Variants in CCDC18 observed in about 807,000 individuals in gnomAD.
CCDC18 encodes coiled-coil domain-containing protein 18.
A neutral mutation model predicts 196.0 loss-of-function variants in CCDC18; 157 were observed. That is an observed-to-expected ratio of 0.80 (90% CI 0.70 to 0.91). CCDC18 has a LOEUF of 0.91. CCDC18 is among the 40% of genes least tolerant of loss of function. CCDC18 has a pLI of 0.00. For missense variants in CCDC18, 1,465 were observed against 1,611.6 expected, an observed-to-expected ratio of 0.91 and a Z score of 1.56; for synonymous variants, 482 against 529.2, an observed-to-expected ratio of 0.91 and a Z score of 1.22.
At chr1:93,246,765 A>C in intron 22 of CCDC18, 73 bp from the exon 23 acceptor site, 1 of 720,022 alleles carries the variant, frequency 1.4e-6, no homozygotes, top group Non-Finnish European at 2.5e-6. Flanking sequence ...ATAAACAATT[A>C]CAAAGCCTAT....
In CCDC18 at chr1:93,264,772, A is replaced by C. The variant is rs771276163; in HGVS notation, c.3756A>C (p.Gln1252His). The C allele has an allele frequency of 1.2e-6, 2 of 1,613,394 alleles. No homozygotes were observed. Among genetic ancestry groups the C allele is most frequent in the Non-Finnish European group, 1.7e-6 (2 of 1,179,474 alleles). The change falls in exon 27 of 29, where the codon CAA becomes CAC. Residue 1252 changes from glutamine to histidine, a missense_variant. By Grantham distance (24) the Gln-to-His change is conservative. Coordinates refer to ENST00000690025, the MANE Select transcript of CCDC18 (RefSeq NM_001378204.1). ...SADSQKSSVQ[Q>H]LNEQLEKAKL... ...ACTCTCAAAAGTCTTCTGTTCAGCA[A>C]CTAAACGAACAGTTAGAGAAGGCAA... is the stretch of plus-strand genomic sequence containing the variant.
chr1:93,190,236 T>C (rs1366146179), intron 4 of CCDC18, among the ~76,000 whole-genome samples: 4 of 152,248 alleles, frequency 2.6e-5, no homozygotes, highest in African/African-American at 9.6e-5. Flanking sequence ...ACGCCTGTAA[T>C]TCCAGAACTT....
rs1655542039 is a variant in CCDC18 at position 93,211,064 on chromosome 1, C to T, written c.1334+138C>T. 1.5e-5 allele frequency: 12 copies of T among 800,038 alleles called. No homozygotes were observed. The South Asian group carries it at 2.0e-4, about 14-fold the overall frequency. The allele number at this position is 800,038 out of a possible 1,614,324, so 49.6% of individuals were successfully genotyped here. Reference sequence around the variant, plus strand: ...GGCTGAGGCAGGCGGATCACGAGGTCAGGAGTTCGAGACCAGCCTGACCAA... The same window carrying T: ...GGCTGAGGCAGGCGGATCACGAGGTTAGGAGTTCGAGACCAGCCTGACCAA... On this transcript the variant is annotated intron_variant, in intron 10 of 28. Coordinates refer to ENST00000690025, the MANE Select transcript of CCDC18 (RefSeq NM_001378204.1).
At chr1:93,248,009 C>CTTTTTTTTTT (rs71586785) in intron 23 of CCDC18, among the ~76,000 whole-genome samples, 3 of 69,794 alleles carry the variant, frequency 4.3e-5, no homozygotes, top group Non-Finnish European at 7.6e-5. Flanking sequence ...TATTTTCCTT[C>CTTTTTTTTTT]TTTTTTTTTT....
At chr1:93,223,732 T>G (rs1290452836) in intron 16 of CCDC18, among the ~76,000 whole-genome samples, 1 of 152,108 alleles carries the variant, frequency 6.6e-6, no homozygotes, top group African/African-American at 2.4e-5. Flanking sequence ...TACTTTAGAT[T>G]CCCCAAAACC....
intron 6 of CCDC18, 82 bp from the exon 7 acceptor site, chr1:93,201,810 T>A: frequency 1.2e-6 from 1 of 821,320 alleles, no homozygotes; most frequent in Non-Finnish European, 1.9e-6. Context: ...TTATTCCTTA[T>A]AATTAAAGAT....
intron 24 of CCDC18, 119 bp downstream of exon 24, chr1:93,254,733 C>G (rs183535330): frequency 1.0e-6 from 1 of 985,726 alleles, no homozygotes; most frequent in African/African-American, 1.7e-5. Flanking sequence ...TGTTTTTAGG[C>G]TAGTTTTTTG....
rs1402362542 is a variant in CCDC18, at chr1:93,270,699, C to CTGAT, written c.4239_4242dup (p.Ser1415Ter). ...AAACCTCTCACATATAACCTAGAAG[C>CTGAT]TGATAGTTCTGAGAATAATGACTTT... On this transcript the variant is annotated frameshift_variant, in exon 28 of 29. Coordinates refer to ENST00000690025, the MANE Select transcript of CCDC18 (RefSeq NM_001378204.1). LOFTEE classifies it high-confidence loss of function. 6.5e-7 allele frequency: 1 copy of CTGAT among 1,550,280 alleles called. No homozygotes were observed. The highest frequency in any genetic ancestry group is 2.0e-5 in the Admixed American group (1 of 50,994).
At chr1:93,247,766 T>C (rs1210547528) in intron 23 of CCDC18, among the ~76,000 whole-genome samples, 1 of 152,042 alleles carries the variant, frequency 6.6e-6, no homozygotes, top group East Asian at 1.9e-4. Context: ...TTTTTCCAAA[T>C]ACAAGATTAT....
intron 1 of CCDC18, 126 bp downstream of exon 1, chr1:93,180,978 C>A: frequency 1.1e-6 from 1 of 927,330 alleles, no homozygotes; most frequent in Non-Finnish European, 1.5e-6. Context: ...GACTGGTCCT[C>A]GTGGTTGCTG....
In CCDC18 at chr1:93,207,227, G is replaced by A. The variant is rs369587939; in HGVS notation, c.1038G>A (p.Glu346=). 2.4e-5 allele frequency: 38 copies of A among 1,613,430 alleles called. 1 individual carries two copies. Among genetic ancestry groups the A allele is most frequent in the African/African-American group, 2.0e-4 (15 of 75,028 alleles). ...SRQSILKLES[E]LENKDEILRD... ...AAAGTATTTTGAAGCTAGAGAGTGA[G>A]TTAGAGAACAAAGACGAAATACTTA... Residue 346 remains glutamate, a synonymous_variant, in exon 9 of 29, where the codon GAG becomes GAA. Coordinates refer to ENST00000690025, the MANE Select transcript of CCDC18 (RefSeq NM_001378204.1).
chr1:93,268,478 C>CAGAGTGAACAGGCAACCTACAGAATGGG (rs1664818982), intron 27 of CCDC18, among the ~76,000 whole-genome samples: 1 of 152,104 alleles, frequency 6.6e-6, no homozygotes, highest in Non-Finnish European at 1.5e-5. Flanking sequence ...AAACTACCAT[C>CAGAGTGAACAGGCAACCTACAGAATGGG]AGAGTGAACA....
intron 28 of CCDC18, among the ~76,000 whole-genome samples, chr1:93,271,785 AC>A (rs1481822131): frequency 3.3e-5 from 5 of 152,236 alleles, no homozygotes; most frequent in Non-Finnish European, 7.3e-5. Flanking sequence ...CTTGAAAGTC[AC>A]AAAAAACTCT....
At chr1:93,265,612 A>C (rs1461015342) in intron 27 of CCDC18, among the ~76,000 whole-genome samples, 1 of 152,168 alleles carries the variant, frequency 6.6e-6, no homozygotes, top group Non-Finnish European at 1.5e-5. Flanking sequence ...AAGAATGTGA[A>C]TGTAGGATTT....
intron 24 of CCDC18, among the ~76,000 whole-genome samples, 189 bp from the exon 25 acceptor site, chr1:93,256,146 T>C (rs776367565): frequency 9.9e-5 from 15 of 152,174 alleles, no homozygotes; most frequent in Non-Finnish European, 1.9e-4. Flanking sequence ...CATTTTCTCA[T>C]TAGATTTTTT....
intron 5 of CCDC18, among the ~76,000 whole-genome samples, chr1:93,192,680 G>A (rs1203486247): frequency 2.6e-5 from 4 of 152,324 alleles, no homozygotes; most frequent in East Asian, 1.9e-4. Context: ...TCAAGCAGTC[G>A]TCCTGCCTCG....
At chr1:93,217,939 A>G in intron 14 of CCDC18, 70 bp downstream of exon 14, 1 of 1,293,660 alleles carries the variant, frequency 7.7e-7, no homozygotes, top group East Asian at 2.3e-5. Flanking sequence ...AGCATTTTTT[A>G]TTTTGTAGAC....
rs543651762 is a variant in CCDC18, at chr1:93,186,241, C to T, written c.304-104C>T. 129 of 1,045,370 alleles carry T rather than the reference C, an allele frequency of 1.2e-4. 1 individual carries two copies. In the East Asian group the frequency reaches 3.3e-3, roughly 26 times the overall value. 64.8% of individuals were successfully genotyped at this position (1,045,370 alleles called of 1,614,324 possible). On this transcript the variant is annotated intron_variant, in intron 3 of 28. Coordinates refer to ENST00000690025, the MANE Select transcript of CCDC18 (RefSeq NM_001378204.1). The stretch of plus-strand genomic sequence containing the variant: ...TAAGTATTTTAACTCATTTTCTGAG[C>T]TGCTTCGTCATTTTGTTAATAATTG...
intron 27 of CCDC18, chr1:93,269,683 AT>A (rs1337193253): frequency 6.6e-6 from 1 of 152,144 alleles, no homozygotes; most frequent in African/African-American, 2.4e-5. Flanking sequence ...CTATACTTAC[AT>A]TATTAAGCTT....
Sources: gnomAD v4.1 joint callset for allele counts (sites outside exome capture counted in the v4.1 genomes callset) on GRCh38, gnomAD v4.1.1 for gene constraint, MANE v1.5 for transcripts, NCBI Gene and HGNC (gene_info 2026-07-23, HGNC 2026-07-21) for gene names.